Variants in CNTN4 observed in about 807,000 individuals in gnomAD.
The protein encoded by CNTN4 is contactin-4.
CNTN4 carries 77 observed loss-of-function variants against 122.5 expected under a neutral mutation model. That is an observed-to-expected ratio of 0.63 (90% CI 0.52 to 0.76). The LOEUF is 0.76. Ranked by LOEUF, CNTN4 falls within the 30% of genes least tolerant of loss-of-function variation. The pLI is 0.00. For synonymous variants in CNTN4, 512 were observed against 447.0 expected, an observed-to-expected ratio of 1.15 and a Z score of -1.83; for missense variants, 1,256 against 1,259.1, an observed-to-expected ratio of 1.00 and a Z score of 0.04.
chr3:2,604,775 C>A (rs2081190163), intron 4 of CNTN4, among the ~76,000 whole-genome samples: 1 of 152,152 alleles, frequency 6.6e-6, no homozygotes, highest in South Asian at 2.1e-4. Context: ...ACCATCATCA[C>A]AATCAATGCC....
chr3:3,037,987 A>T lies in CNTN4; in HGVS notation c.2092+659A>T, dbSNP rs116461936. ...AAGAGGCCTACATGTGCCGTCTTTT[A>T]TAGAGTTCCCGCCTGTAGAGAGGCC... is the stretch of plus-strand genomic sequence containing the variant. On this transcript the variant is annotated intron_variant, in intron 18 of 24. Coordinates refer to ENST00000418658, the MANE Select transcript of CNTN4 (RefSeq NM_175607.3). Among the ~76,000 whole-genome samples the T allele has an allele frequency of 9.6e-3, 1,459 of 152,236 alleles. 22 individuals are homozygous for T. The highest frequency in any genetic ancestry group is 0.033 in the African/African-American group (1,378 of 41,528).
chr3:2,660,207 G>A (rs1037260046), intron 4 of CNTN4, among the ~76,000 whole-genome samples: 38 of 123,934 alleles, frequency 3.1e-4, no homozygotes, highest in Non-Finnish European at 1.1e-4. Flanking sequence ...CTAAGAGATG[G>A]TTTATAAATG....
chr3:2,376,700 A>AAG (rs1048333624), intron 3 of CNTN4, among the ~76,000 whole-genome samples: 1 of 151,516 alleles, frequency 6.6e-6, no homozygotes, highest in Non-Finnish European at 1.5e-5. Flanking sequence ...AAAAAAAAAA[A>AAG]AAAAAGGTCA....
At chr3:2,932,489 A>G (rs1435075761) in intron 13 of CNTN4, among the ~76,000 whole-genome samples, 3 of 152,230 alleles carry the variant, frequency 2.0e-5, no homozygotes, top group Admixed American at 1.3e-4. Flanking sequence ...CAGCAGAGAT[A>G]CACTCATTCT....
In CNTN4 at chr3:2,909,286, T is replaced by A. The variant is rs949725573; in HGVS notation, c.1207+6281T>A. ...TTGGCTCTCAAAAGCAAATTTGGTGTCTTTATCAAGTTATTGATCATATAC... is the reference window on the plus strand; with the variant it reads ...TTGGCTCTCAAAAGCAAATTTGGTGACTTTATCAAGTTATTGATCATATAC... On this transcript the variant is annotated intron_variant, in intron 12 of 24. Coordinates refer to ENST00000418658, the MANE Select transcript of CNTN4 (RefSeq NM_175607.3). Among the ~76,000 whole-genome samples the A allele has an allele frequency of 2.0e-5, 3 of 152,206 alleles. No individual in the cohort carries two copies. In the East Asian group the frequency reaches 5.8e-4, roughly 29 times the overall value.
intron 3 of CNTN4, among the ~76,000 whole-genome samples, chr3:2,518,958 A>C (rs543540057): frequency 6.6e-6 from 1 of 152,188 alleles, no homozygotes; most frequent in South Asian, 2.1e-4. Context: ...GAACAAAGAG[A>C]GGCAATTGTA....
At chr3:2,872,609 C>T (rs1161352959) in intron 8 of CNTN4, among the ~76,000 whole-genome samples, 7 of 152,080 alleles carry the variant, frequency 4.6e-5, no homozygotes, top group African/African-American at 1.7e-4. Context: ...CGAATTGGAA[C>T]TCCACATAGA....
intron 8 of CNTN4, among the ~76,000 whole-genome samples, chr3:2,872,038 C>A (rs2093791016): frequency 6.6e-6 from 1 of 152,102 alleles, no homozygotes; most frequent in Admixed American, 6.6e-5. Context: ...ATTATTAGTA[C>A]AGGTACTAAA....
chr3:2,329,277 T>C (rs1368189398), intron 2 of CNTN4, among the ~76,000 whole-genome samples: 2 of 152,202 alleles, frequency 1.3e-5, no homozygotes, highest in East Asian at 3.8e-4. Flanking sequence ...TTCAGAGCTC[T>C]CACCATCGTT....
intron 6 of CNTN4, among the ~76,000 whole-genome samples, chr3:2,816,272 T>G (rs556723772): frequency 0.025 from 3,408 of 138,638 alleles, 343 homozygotes; most frequent in African/African-American, 0.11. Context: ...GAGAATGGCG[T>G]GAACCCAGGA....
intron 2 of CNTN4, among the ~76,000 whole-genome samples, chr3:2,288,078 A>G (rs556329079): frequency 6.6e-6 from 1 of 152,366 alleles, no homozygotes; most frequent in East Asian, 1.9e-4. Flanking sequence ...TAGCAGAATT[A>G]GAAAATAAAT....
intron 4 of CNTN4, among the ~76,000 whole-genome samples, chr3:2,576,011 A>AT (rs528417701): frequency 6.6e-6 from 1 of 151,316 alleles, no homozygotes; most frequent in Non-Finnish European, 1.5e-5. Context: ...ATTTTTTTGT[A>AT]TTTTTAGTAG....
Position 2,838,093 on chromosome 3 carries a change from T to C in CNTN4, c.454+18512T>C, listed in dbSNP as rs1027779751. ...TGCTGTTCTGTCAGTTTTGTGACCA[T>C]GAGCAGTTTCATTCAAGAAACCACA... On this transcript the variant is annotated intron_variant, in intron 7 of 24. Coordinates refer to ENST00000418658, the MANE Select transcript of CNTN4 (RefSeq NM_175607.3). Among the ~76,000 whole-genome samples, 13 of 152,294 alleles carry C rather than the reference T, an allele frequency of 8.5e-5. 5 individuals carry two copies.
intron 4 of CNTN4, among the ~76,000 whole-genome samples, chr3:2,619,055 T>G (rs1309220827): frequency 2.0e-5 from 3 of 152,334 alleles, no homozygotes; most frequent in African/African-American, 7.2e-5. Context: ...CAGTAGCACT[T>G]ATATTGCCTG....
At chr3:2,895,481 G>A (rs1440306073) in intron 10 of CNTN4, among the ~76,000 whole-genome samples, 3 of 152,142 alleles carry the variant, frequency 2.0e-5, no homozygotes, top group Non-Finnish European at 4.4e-5. Context: ...TTGCCTTCTA[G>A]TGTATCTTCA....
intron 3 of CNTN4, among the ~76,000 whole-genome samples, chr3:2,368,768 AG>A (rs1252720104): frequency 6.6e-6 from 1 of 152,192 alleles, no homozygotes; most frequent in Non-Finnish European, 1.5e-5. Context: ...CTACAAAGCA[AG>A]AAAATAAGTT....
At chr3:2,166,845 T>C (rs925281449) in intron 2 of CNTN4, among the ~76,000 whole-genome samples, 2 of 151,954 alleles carry the variant, frequency 1.3e-5, no homozygotes, top group African/African-American at 2.4e-5. Context: ...AACAGTGAAA[T>C]ACAAATAAGA....
At position 2,172,496 on chromosome 3, in the gene CNTN4, A is replaced by G. The variant is rs920621696; in HGVS notation, c.-145+71857A>G. Among the ~76,000 whole-genome samples, 6 of 152,294 alleles carry G rather than the reference A, an allele frequency of 3.9e-5. 1 individual carries two copies. Among genetic ancestry groups the G allele is most frequent in the African/African-American group, 1.4e-4 (6 of 41,572 alleles). ...CTGCAACAAAATCCCGGAAATCACCACTGAAGGACTTATCCACGTAACCAA... is the reference window on the plus strand; with the variant it reads ...CTGCAACAAAATCCCGGAAATCACCGCTGAAGGACTTATCCACGTAACCAA... On this transcript the variant is annotated intron_variant, in intron 2 of 24. Transcript: ENST00000418658.
At position 2,366,788 on chromosome 3, in the gene CNTN4, A is replaced by G. The variant is rs565717773; in HGVS notation, c.-89+27555A>G. On this transcript the variant is annotated intron_variant, in intron 3 of 24. Transcript: ENST00000418658. ...AATAAATAAATAAAAGGGAGTGGAA[A>G]AAAATCTACCAAACCTTGGATTCAA... is the stretch of plus-strand genomic sequence containing the variant. Among the ~76,000 whole-genome samples, 143 of 151,642 alleles carry G rather than the reference A, an allele frequency of 9.4e-4. 1 individual carries two copies. The highest frequency in any genetic ancestry group is 3.3e-3 in the African/African-American group (137 of 41,450).
Sources: gnomAD v4.1 joint callset for allele counts (sites outside exome capture counted in the v4.1 genomes callset) on GRCh38, gnomAD v4.1.1 for gene constraint, MANE v1.5 for transcripts, NCBI Gene and HGNC (gene_info 2026-07-23, HGNC 2026-07-21) for gene names.